SYN2: variants seen among roughly 807,000 people sequenced by gnomAD.
SYN2 encodes synapsin II.
A neutral mutation model predicts 50.9 loss-of-function variants in SYN2; 19 were observed. The ratio of observed to expected loss-of-function variants is 0.37; its 90% CI spans 0.26 to 0.55. The LOEUF (loss-of-function observed/expected upper bound fraction) is 0.55. Among genes scored for constraint, SYN2 ranks in the 20% least tolerant of loss-of-function variants. The pLI, the probability that SYN2 is intolerant of heterozygous loss-of-function variation, is 0.81. For missense variants in SYN2, 587 were observed against 576.4 expected (o/e 1.02, Z -0.19); for synonymous variants, 255 against 224.9 (o/e 1.13, Z -1.20).
chr3:12,092,957 G>A (rs1440687598), intron 1 of SYN2, among the ~76,000 whole-genome samples: 1 of 152,032 alleles, frequency 6.6e-6, no homozygotes, highest in East Asian at 1.9e-4. Flanking sequence ...ACCCTCACTG[G>A]GGGTTCTCTG....
At chr3:12,143,152 GC>G (rs1697062435) in intron 3 of SYN2, among the ~76,000 whole-genome samples, 1 of 152,138 alleles carries the variant, frequency 6.6e-6, no homozygotes. Flanking sequence ...TCAGGGGCTG[GC>G]CACAGTGTAC....
intron 1 of SYN2, among the ~76,000 whole-genome samples, chr3:12,102,225 G>C (rs574801807): frequency 6.6e-6 from 1 of 152,228 alleles, no homozygotes; most frequent in East Asian, 1.9e-4. Context: ...CTACCAGCAA[G>C]CCAAATACCC....
intron 1 of SYN2, among the ~76,000 whole-genome samples, chr3:12,065,808 A>G (rs188440996): frequency 5.3e-5 from 8 of 152,326 alleles, no homozygotes; most frequent in Admixed American, 2.6e-4. Flanking sequence ...GCATCATGCA[A>G]TATACTCATG....
intron 1 of SYN2, among the ~76,000 whole-genome samples, chr3:12,138,796 C>T (rs1696955163): frequency 6.6e-6 from 1 of 152,192 alleles, no homozygotes; most frequent in South Asian, 2.1e-4. Context: ...ATCAGAAAAG[C>T]ATTGCTGATA....
rs753030840 is a variant in SYN2 at position 12,190,507 on chromosome 3, C to T, written c.1631C>T (p.Thr544Ile). The change falls in exon 13 of 13, where the codon ACA (threonine) becomes ATA (isoleucine). Residue 544 changes from threonine (T) to isoleucine (I), a missense_variant. By Grantham distance (89) the Thr-to-Ile change is moderately conservative (BLOSUM62 -1). Coordinates refer to ENST00000621198, the MANE Select transcript of SYN2 (RefSeq NM_133625.6). ...HPQLNKSQSL[T>I]NAFSFSESSF... ...TCTTCAAGCAAGTCGCAGTCCCTGA[C>T]AAATGCCTTCAGCTTCTCTGAGTCC... 1 of 1,613,876 alleles carries T rather than the reference C, an allele frequency of 6.2e-7. No individual in the cohort carries two copies. Among genetic ancestry groups the T allele is most frequent in the Non-Finnish European group, 8.5e-7 (1 of 1,179,844 alleles).
intron 1 of SYN2, among the ~76,000 whole-genome samples, chr3:12,122,533 A>G (rs924568504): frequency 9.9e-5 from 15 of 152,172 alleles, no homozygotes; most frequent in African/African-American, 3.1e-4. Flanking sequence ...GAGACCCACA[A>G]GTGAGGCTGG....
intron 1 of SYN2, among the ~76,000 whole-genome samples, chr3:12,085,698 T>G (rs557035643): frequency 2.0e-5 from 3 of 152,196 alleles, no homozygotes; most frequent in African/African-American, 7.2e-5. Context: ...TAAAAAATAT[T>G]TTAAGACAAG....
chr3:12,163,632 C>T (rs1350802509), intron 7 of SYN2, among the ~76,000 whole-genome samples: 1 of 152,178 alleles, frequency 6.6e-6, no homozygotes, highest in Non-Finnish European at 1.5e-5. Context: ...TTAATAGGCA[C>T]CCAATAAGTA....
At chr3:12,140,198 A>G (rs1442008793) in intron 1 of SYN2, among the ~76,000 whole-genome samples, 1 of 152,260 alleles carries the variant, frequency 6.6e-6, no homozygotes, top group African/African-American at 2.4e-5. Context: ...TCCTCTTTGT[A>G]TGGGTATGAA....
chr3:12,145,636 G>A (rs754059339), intron 3 of SYN2, 43 bp from the exon 4 acceptor site: 10 of 1,604,584 alleles, frequency 6.2e-6, no homozygotes, highest in Non-Finnish European at 8.5e-6. Flanking sequence ...TGTATGGCCT[G>A]AAGTGCTGGT....
chr3:12,163,340 T>G (rs745517775), intron 7 of SYN2, among the ~76,000 whole-genome samples: 13 of 152,092 alleles, frequency 8.5e-5, no homozygotes, highest in Non-Finnish European at 1.6e-4. Flanking sequence ...ACTCAGGACT[T>G]CAGCAGACTT....
chr3:12,053,935 G>A (rs1694928841), intron 1 of SYN2, among the ~76,000 whole-genome samples: 1 of 152,068 alleles, frequency 6.6e-6, no homozygotes, highest in Non-Finnish European at 1.5e-5. Flanking sequence ...CTTGGTCCAT[G>A]TTCCTTAGAT....
At position 12,033,768 on chromosome 3, in the gene SYN2, G is replaced by A. The variant is rs1181097436; in HGVS notation, c.377+28840G>A. Among the ~76,000 whole-genome samples the A allele has an allele frequency of 3.3e-5, 5 of 152,282 alleles. No individual in the cohort carries two copies. The East Asian group carries it at 9.6e-4, about 29-fold the overall frequency. ...TCATATAAATGGAACCATACAATAT[G>A]TGGCCTTTTGTGTCCAGCTTTTTTC... On this transcript the variant is annotated intron_variant, in intron 1 of 12. Transcript: ENST00000621198.
intron 1 of SYN2, among the ~76,000 whole-genome samples, chr3:12,042,917 G>C (rs1694649482): frequency 6.6e-6 from 1 of 152,144 alleles, no homozygotes; most frequent in East Asian, 1.9e-4. Context: ...GGGCCCTACA[G>C]CCTTCGGAGG....
intron 7 of SYN2, among the ~76,000 whole-genome samples, chr3:12,164,984 C>CTTTTT (rs68043865): frequency 4.7e-3 from 430 of 92,240 alleles, no homozygotes; most frequent in Non-Finnish European, 5.6e-3. Flanking sequence ...TTTTTCTTTT[C>CTTTTT]TTTTTTTTTT....
chr3:12,187,241 A>G (rs1428836712), intron 11 of SYN2, 128 bp from the exon 12 acceptor site: 34 of 1,321,314 alleles, frequency 2.6e-5, no homozygotes, highest in Non-Finnish European at 1.2e-5. Flanking sequence ...CCCTTCAGAG[A>G]CTCCAGCTTC....
intron 1 of SYN2, among the ~76,000 whole-genome samples, chr3:12,134,001 G>A (rs1696842657): frequency 6.6e-6 from 1 of 152,182 alleles, no homozygotes; most frequent in Non-Finnish European, 1.5e-5. Flanking sequence ...TGTTTGGGAT[G>A]ATGAAAAGTT....
intron 3 of SYN2, among the ~76,000 whole-genome samples, chr3:12,144,467 G>T (rs1379301310): frequency 6.6e-6 from 1 of 152,204 alleles, no homozygotes; most frequent in African/African-American, 2.4e-5. Context: ...CTCTGTGGCA[G>T]TGTGGTGAAG....
chr3:12,135,775 C>G (rs1431637457), intron 1 of SYN2, among the ~76,000 whole-genome samples: 1 of 152,158 alleles, frequency 6.6e-6, no homozygotes, highest in Non-Finnish European at 1.5e-5. Context: ...TGGTTTTCTC[C>G]AGTGGTCCAG....
Sources: allele counts gnomAD v4.1 joint callset (sites outside exome capture counted in the v4.1 genomes callset), GRCh38; gene constraint gnomAD v4.1.1; transcripts MANE v1.5; gene names NCBI Gene and HGNC (gene_info 2026-07-23, HGNC 2026-07-21).